The following ABCA13 variants were observed in gnomAD, a reference collection of about 807,000 sequenced individuals.
ABCA13 encodes ATP binding cassette subfamily A member 13.
In ABCA13, 476 loss-of-function variants were observed where a neutral mutation model predicts 478.7. The ratio of observed to expected loss-of-function variants is 0.99; its 90% CI spans 0.92 to 1.07. ABCA13 has a LOEUF of 1.07. Ranked by LOEUF, ABCA13 falls within the 50% of genes least tolerant of loss-of-function variation. The pLI is 0.00. For missense variants in ABCA13, 6,060 were observed against 5,910.6 expected, an observed-to-expected ratio of 1.03 and a Z score of -0.83; for synonymous variants, 2,252 against 2,158.9, an observed-to-expected ratio of 1.04 and a Z score of -1.20.
At chr7:48,505,832 A>T (rs79812626) in intron 48 of ABCA13, among the ~76,000 whole-genome samples, 1 of 152,190 alleles carries the variant, frequency 6.6e-6, no homozygotes, top group African/African-American at 2.4e-5. Flanking sequence ...CATCACACAC[A>T]TGCGCAAGCC....
At chr7:48,374,519 A>G in intron 34 of ABCA13, 103 bp downstream of exon 34, 2 of 1,043,288 alleles carry the variant, frequency 1.9e-6, no homozygotes, top group Non-Finnish European at 2.8e-6. Context: ...ATTATCAAGT[A>G]GAGCATTCAG....
At chr7:48,521,727 G>T (rs1446633678) in intron 53 of ABCA13, among the ~76,000 whole-genome samples, 2 of 152,032 alleles carry the variant, frequency 1.3e-5, no homozygotes, top group Non-Finnish European at 2.9e-5. Context: ...TTACTTTCTA[G>T]AGTTGTAAGT....
intron 26 of ABCA13, among the ~76,000 whole-genome samples, chr7:48,314,813 C>G (rs2128892300): frequency 6.6e-6 from 1 of 152,244 alleles, no homozygotes; most frequent in African/African-American, 2.4e-5. Flanking sequence ...CTCTATGAAG[C>G]TCAGGTACAA....
intron 45 of ABCA13, among the ~76,000 whole-genome samples, chr7:48,478,219 TATC>T (rs915199807): frequency 1.4e-5 from 2 of 148,054 alleles, no homozygotes; most frequent in Admixed American, 1.4e-4. Flanking sequence ...TATATACATA[TATC>T]ATTATATATA....
intron 58 of ABCA13, among the ~76,000 whole-genome samples, chr7:48,614,268 T>A (rs1792320515): frequency 6.6e-6 from 1 of 151,354 alleles, no homozygotes; most frequent in East Asian, 1.9e-4. Context: ...TATTCTTATT[T>A]TGTATTTTTG....
chr7:48,176,955 C>T (rs538305165), intron 1 of ABCA13, among the ~76,000 whole-genome samples: 1 of 152,158 alleles, frequency 6.6e-6, no homozygotes, highest in African/African-American at 2.4e-5. Flanking sequence ...AAAATAATCT[C>T]ATTTCTTTGA....
intron 19 of ABCA13, among the ~76,000 whole-genome samples, chr7:48,284,745 A>T (rs1350691483): frequency 6.6e-6 from 1 of 152,198 alleles, no homozygotes; most frequent in African/African-American, 2.4e-5. Context: ...TTTTATTTCA[A>T]GGAAACTCAA....
chr7:48,460,685 C>A (rs183432898), intron 43 of ABCA13, among the ~76,000 whole-genome samples: 1 of 152,206 alleles, frequency 6.6e-6, no homozygotes. Flanking sequence ...TCTTCCTTAA[C>A]AAATACCACT....
At position 48,388,624 on chromosome 7, in the gene ABCA13, A is replaced by C. The variant is rs111362477; in HGVS notation, c.11474-416A>C. ...TACAAGTCAACATTCTAATCTAAAC[A>C]ATCTAAATATTTTTCTGAATTATGA... On this transcript the variant is annotated intron_variant, in intron 36 of 61. Coordinates refer to ENST00000435803, the MANE Select transcript of ABCA13 (RefSeq NM_152701.5). 1.3e-3 allele frequency among the ~76,000 whole-genome samples: 198 copies of C among 152,378 alleles called. 3 individuals carry two copies. Among genetic ancestry groups the C allele is most frequent in the African/African-American group, 4.5e-3 (189 of 41,598 alleles).
intron 48 of ABCA13, among the ~76,000 whole-genome samples, chr7:48,489,620 C>T (rs1585562442): frequency 6.6e-6 from 1 of 152,132 alleles, no homozygotes; most frequent in East Asian, 1.9e-4. Flanking sequence ...TTATTTTATT[C>T]TGTGACTTAA....
intron 35 of ABCA13, among the ~76,000 whole-genome samples, chr7:48,379,756 A>G (rs1814061341): frequency 6.6e-6 from 1 of 152,260 alleles, no homozygotes; most frequent in African/African-American, 2.4e-5. Flanking sequence ...CAGTTGAAGT[A>G]GGAAAAACGT....
rs183260108 is a variant in ABCA13, at chr7:48,380,621, T to C, written c.11335+4049T>C. Among the ~76,000 whole-genome samples, 11 of 152,348 alleles carry C rather than the reference T, an allele frequency of 7.2e-5. No homozygotes were observed. The East Asian group carries it at 1.5e-3, about 21-fold the overall frequency. On this transcript the variant is annotated intron_variant, in intron 35 of 61. Transcript: ENST00000435803. ...AAGGCAAGTCAAGGACATTTCTTTG[T>C]TGCACTTTGTAGGGTATCAACTAAC... is the stretch of plus-strand genomic sequence containing the variant.
intron 15 of ABCA13, among the ~76,000 whole-genome samples, chr7:48,258,413 C>A (rs750343922): frequency 2.0e-5 from 3 of 151,998 alleles, no homozygotes; most frequent in Non-Finnish European, 4.4e-5. Context: ...AAAAAAAATT[C>A]TTTGGGGTCA....
rs1237890042 is a variant in ABCA13 at position 48,274,777 on chromosome 7, T to C, written c.5111T>C (p.Leu1704Ser). ...KNISSVGTGN[L>S]VVNLLVGLME... ...ATCAGTAGTGTGGGAACTGGCAATTTAGTGGTCAATTTGCTTGTTGGCTTG... is the reference window on the plus strand; with the variant it reads ...ATCAGTAGTGTGGGAACTGGCAATTCAGTGGTCAATTTGCTTGTTGGCTTG... The change falls in exon 17 of 62, where the codon TTA (leucine) becomes TCA (serine). Residue 1704 changes from leucine (L) to serine (S), a missense_variant. Leu to Ser is a moderately radical substitution (Grantham distance 145). Transcript: ENST00000435803. The C allele has an allele frequency of 6.2e-7, 1 of 1,613,850 alleles. No homozygotes were observed. Among genetic ancestry groups the C allele is most frequent in the Non-Finnish European group, 8.5e-7 (1 of 1,179,862 alleles).
At chr7:48,208,773 C>T (rs1008879294) in intron 3 of ABCA13, among the ~76,000 whole-genome samples, 1 of 152,068 alleles carries the variant, frequency 6.6e-6, no homozygotes, top group African/African-American at 2.4e-5. Context: ...TTGACTTCTT[C>T]CTTTCCAATT....
chr7:48,229,235 A>G (rs940321587), intron 6 of ABCA13, among the ~76,000 whole-genome samples: 1 of 151,968 alleles, frequency 6.6e-6, no homozygotes, highest in Admixed American at 6.6e-5. Flanking sequence ...AAAATAAAAT[A>G]TTAATATTTT....
intron 20 of ABCA13, among the ~76,000 whole-genome samples, chr7:48,289,414 A>G (rs1231990665): frequency 1.4e-5 from 2 of 147,966 alleles, no homozygotes; most frequent in African/African-American, 5.0e-5. Context: ...GCTGGAGTGC[A>G]ATGGTGCAAT....
At chr7:48,461,324 G>A (rs117826590) in intron 43 of ABCA13, among the ~76,000 whole-genome samples, 3,650 of 152,076 alleles carry the variant, frequency 0.024, 58 homozygotes, top group Non-Finnish European at 0.038. Context: ...ACCAGGCTTC[G>A]TCCAGGTCAT....
At chr7:48,197,361 G>A (rs558237830) in intron 2 of ABCA13, among the ~76,000 whole-genome samples, 1 of 152,312 alleles carries the variant, frequency 6.6e-6, no homozygotes, top group African/African-American at 2.4e-5. Flanking sequence ...CGCTGGACAG[G>A]CATCTCCATT....
Sources: gnomAD v4.1 joint callset for allele counts (sites outside exome capture counted in the v4.1 genomes callset) on GRCh38, gnomAD v4.1.1 for gene constraint, MANE v1.5 for transcripts, NCBI Gene and HGNC (gene_info 2026-07-23, HGNC 2026-07-21) for gene names.